Variants in REV3L observed in about 807,000 individuals in gnomAD.
The protein encoded by REV3L is REV3 like, DNA directed polymerase zeta catalytic subunit.
In REV3L, 69 loss-of-function variants were observed where a neutral mutation model predicts 299.4. The ratio of observed to expected loss-of-function variants is 0.23; its 90% CI spans 0.19 to 0.28. REV3L has a LOEUF of 0.28. Ranked by LOEUF, REV3L falls within the 10% of genes least tolerant of loss-of-function variation. The probability of loss-of-function intolerance (pLI) is 1.00; values close to 1 mark genes in which losing one functional copy is unlikely to be tolerated. For synonymous variants in REV3L, 1,238 were observed against 1,271.4 expected, an observed-to-expected ratio of 0.97 and a Z score of 0.56; for missense variants, 3,128 against 3,693.8, an observed-to-expected ratio of 0.85 and a Z score of 3.97.
intron 1 of REV3L, among the ~76,000 whole-genome samples, chr6:111,426,790 C>T (rs1363557298): frequency 2.0e-5 from 3 of 152,186 alleles, no homozygotes; most frequent in African/African-American, 7.2e-5. Flanking sequence ...CAAAGGCACA[C>T]GCCATGGTAC....
chr6:111,368,489 A>C (rs959026274), intron 13 of REV3L, among the ~76,000 whole-genome samples: 2 of 152,222 alleles, frequency 1.3e-5, no homozygotes, highest in Non-Finnish European at 2.9e-5. Flanking sequence ...AAAGCCAGTC[A>C]ATTCAAATGA....
At chr6:111,323,115 A>C (rs905617585) in intron 25 of REV3L, among the ~76,000 whole-genome samples, 2 of 151,846 alleles carry the variant, frequency 1.3e-5, no homozygotes, top group African/African-American at 4.8e-5. Context: ...CAGCCTCCTG[A>C]GTAGCTGGGA....
chr6:111,424,024 T>A (rs1785881192), intron 1 of REV3L, among the ~76,000 whole-genome samples: 1 of 152,178 alleles, frequency 6.6e-6, no homozygotes, highest in Admixed American at 6.5e-5. Context: ...TTTGCCAGTA[T>A]GAGCAACAAT....
chr6:111,333,171 T>C lies in REV3L; in HGVS notation c.7877A>G (p.Tyr2626Cys). The part of the protein sequence containing the change: ...QSLYPSIVIA[Y>C]NYCFSTCLGH... ...AAGGCAGGTGGAAAAGCAGTAGTTA[T>C]ATGCAATCACAATAGAAGGATAAAG... The change falls in exon 23 of 32, where the codon TAT becomes TGT. Residue 2626 changes from tyrosine to cysteine, a missense_variant. Physicochemically the swap from Tyr to Cys is radical, Grantham distance 194 (BLOSUM62 -2). Around this residue, in one of 9 missense-constraint regions of REV3L, gnomAD observed 149 missense variants for 286.4 expected, o/e 0.52. Transcript: ENST00000368802. 1.2e-6 allele frequency: 2 copies of C among 1,614,140 alleles called. No homozygotes were observed. Among genetic ancestry groups the C allele is most frequent in the Non-Finnish European group, 1.7e-6 (2 of 1,180,018 alleles).
chr6:111,450,477 T>TA (rs1789374916), intron 1 of REV3L, among the ~76,000 whole-genome samples: 1 of 24,164 alleles, frequency 4.1e-5, no homozygotes, highest in African/African-American at 1.5e-4. Flanking sequence ...AGACCCTGTC[T>TA]CAAAAAAAAA....
At chr6:111,483,394 G>T, upstream of REV3L, 1 of 455,836 alleles carries the variant, frequency 2.2e-6, no homozygotes, top group Non-Finnish European at 3.9e-6. Context: ...CGCGGCGAGG[G>T]AGGCGGCCGG....
chr6:111,343,839 C>T, intron 21 of REV3L, 86 bp downstream of exon 21: 2 of 977,090 alleles, frequency 2.0e-6, no homozygotes, highest in Non-Finnish European at 3.0e-6. Context: ...CTGAACAATA[C>T]ACTTTAAATG....
At chr6:111,460,769 T>A (rs11753187) in intron 1 of REV3L, among the ~76,000 whole-genome samples, 2,057 of 152,200 alleles carry the variant, frequency 0.014, 21 homozygotes, top group Middle Eastern at 0.027. Flanking sequence ...AAGATAACTG[T>A]CTCTAAAGCA....
At chr6:111,483,246 G>T (rs1793995256), upstream of REV3L, 2 of 484,428 alleles carry the variant, frequency 4.1e-6, no homozygotes, top group Non-Finnish European at 7.2e-6. Context: ...GGAGGGGAGA[G>T]GGGGGTGTGT....
At chr6:111,454,572 C>T (rs543983245) in intron 1 of REV3L, among the ~76,000 whole-genome samples, 1 of 152,328 alleles carries the variant, frequency 6.6e-6, no homozygotes, top group South Asian at 2.1e-4. Context: ...ATCCCACCCT[C>T]AGTAAACACT....
chr6:111,349,358 G>C (rs767098224), intron 19 of REV3L, 22 bp from the exon 20 acceptor site: 3 of 1,198,814 alleles, frequency 2.5e-6, no homozygotes, highest in Non-Finnish European at 3.6e-6. Flanking sequence ...AAAACAGACT[G>C]TATCAGGGCT....
intron 1 of REV3L, among the ~76,000 whole-genome samples, chr6:111,468,367 T>C (rs1009330437): frequency 3.9e-5 from 6 of 152,110 alleles, no homozygotes; most frequent in Non-Finnish European, 8.8e-5. Context: ...AGGAAAACAT[T>C]TGGAACTCAA....
intron 18 of REV3L, 25 bp downstream of exon 18, chr6:111,356,988 GA>G: frequency 1.6e-6 from 2 of 1,282,928 alleles, no homozygotes; most frequent in East Asian, 2.5e-5. Context: ...AATAAAACTG[GA>G]AAAATCAGAT....
At chr6:111,338,245 A>C (rs1046093942) in intron 21 of REV3L, among the ~76,000 whole-genome samples, 7 of 144,496 alleles carry the variant, frequency 4.8e-5, no homozygotes, top group African/African-American at 1.8e-4. Flanking sequence ...GTTGACGATA[A>C]TTTGTTTCGG....
intron 1 of REV3L, among the ~76,000 whole-genome samples, chr6:111,446,815 T>C (rs993251673): frequency 2.6e-5 from 4 of 152,208 alleles, no homozygotes; most frequent in African/African-American, 9.7e-5. Flanking sequence ...CTTAGGAGAA[T>C]CTAGTATTTG....
chr6:111,338,135 A>G (rs1333329536), intron 21 of REV3L, among the ~76,000 whole-genome samples: 9 of 152,158 alleles, frequency 5.9e-5, no homozygotes, highest in Admixed American at 3.3e-4. Flanking sequence ...TTACACATAT[A>G]TAAGAATCTG....
At chr6:111,480,028 T>A (rs1793436216) in intron 1 of REV3L, among the ~76,000 whole-genome samples, 1 of 152,198 alleles carries the variant, frequency 6.6e-6, no homozygotes, top group African/African-American at 2.4e-5. Flanking sequence ...ATCCAATCAG[T>A]TCAGAATTTG....
chr6:111,369,260 T>A (rs1779536468), intron 13 of REV3L, among the ~76,000 whole-genome samples: 1 of 121,464 alleles, frequency 8.2e-6, no homozygotes, highest in African/African-American at 3.2e-5. Context: ...CCAACCTGGG[T>A]GACAGAGCCA....
chr6:111,431,721 G>GAC, intron 1 of REV3L: 1 of 940,584 alleles, frequency 1.1e-6, no homozygotes, highest in Non-Finnish European at 1.7e-6. Flanking sequence ...CTGTGGATTT[G>GAC]ACAGAAGATA....
Sources: allele counts gnomAD v4.1 joint callset (sites outside exome capture counted in the v4.1 genomes callset), GRCh38; gene constraint gnomAD v4.1.1; regional missense constraint gnomAD v4.1.1; transcripts MANE v1.5; gene names NCBI Gene and HGNC (gene_info 2026-07-23, HGNC 2026-07-21).